C6orf132: variants seen among roughly 807,000 people sequenced by gnomAD.
C6orf132 encodes the protein uncharacterized protein C6orf132.
Under a neutral mutation model 65.3 loss-of-function variants are expected in C6orf132, and 43 were observed. The ratio of observed to expected loss-of-function variants is 0.66; its 90% CI spans 0.52 to 0.85. The LOEUF (loss-of-function observed/expected upper bound fraction) is 0.85, where lower values mean the gene tolerates loss of function less well. C6orf132 is among the 40% of genes least tolerant of loss of function. The pLI is 0.00. For missense variants in C6orf132, 1,488 were observed against 1,548.8 expected (o/e 0.96, Z 0.66); for synonymous variants, 631 against 654.1 (o/e 0.96, Z 0.54).
rs1414529139 is a variant in C6orf132 at position 42,102,627 on chromosome 6, C to T, written c.*1134G>A. On this transcript the variant is annotated 3_prime_UTR_variant, in exon 5 of 5. Transcript: ENST00000341865. ...TTTCACCATTTGGGCAGGCTGGTCTCGAACTTCTGACCTCAAGTGATCCAC... is the reference window on the plus strand; with the variant it reads ...TTTCACCATTTGGGCAGGCTGGTCTTGAACTTCTGACCTCAAGTGATCCAC... 4 of 151,478 alleles carry T rather than the reference C, an allele frequency of 2.6e-5. No individual in the cohort carries two copies. The highest frequency in any genetic ancestry group is 5.8e-5 in the Non-Finnish European group (4 of 68,518). The allele number at this position is 151,478 out of a possible 1,614,324, so 9.4% of individuals were successfully genotyped here. A position where few individuals can be genotyped will look rare whatever the true frequency, so the allele number is the denominator to read the frequency against.
At chr6:42,137,072 T>A (rs1766955847) in intron 1 of C6orf132, among the ~76,000 whole-genome samples, 3 of 152,252 alleles carry the variant, frequency 2.0e-5, no homozygotes, top group African/African-American at 7.2e-5. Context: ...CTGGGTGCAC[T>A]TTGATGTTTG....
intron 2 of C6orf132, among the ~76,000 whole-genome samples, chr6:42,114,395 C>T (rs979849519): frequency 1.3e-5 from 2 of 150,952 alleles, no homozygotes; most frequent in African/African-American, 4.9e-5. Flanking sequence ...TCTCCAAGCC[C>T]CTGTCTGGCC....
intron 1 of C6orf132, among the ~76,000 whole-genome samples, chr6:42,140,496 G>A (rs1446571412): frequency 6.6e-6 from 1 of 152,234 alleles, no homozygotes; most frequent in African/African-American, 2.4e-5. Context: ...CCCGCTAAGA[G>A]TGTGATCTCT....
At chr6:42,107,913 G>C (rs1466645907) in intron 3 of C6orf132, among the ~76,000 whole-genome samples, 2 of 152,120 alleles carry the variant, frequency 1.3e-5, no homozygotes, top group Non-Finnish European at 2.9e-5. Flanking sequence ...GGACAAGAGG[G>C]CCAGGGCACT....
intron 1 of C6orf132, among the ~76,000 whole-genome samples, chr6:42,136,439 G>C (rs1463819492): frequency 2.6e-5 from 4 of 152,172 alleles, no homozygotes; most frequent in African/African-American, 9.7e-5. Context: ...GATTCCTGGG[G>C]CTTAGGAGGA....
Position 42,103,687 on chromosome 6 carries a change from A to ACC in C6orf132, c.*72_*73dup. On this transcript the variant is annotated 3_prime_UTR_variant, in exon 5 of 5. Transcript: ENST00000341865. The stretch of plus-strand genomic sequence containing the variant: ...GCCCAACACCTGCTGTGTACCTCCC[A>ACC]CCCCCCACAAGAAACAAGTGCCCAG... The ACC allele has an allele frequency of 1.0e-6, 1 of 995,280 alleles. No individual in the cohort carries two copies. The highest frequency in any genetic ancestry group is 1.3e-6 in the Non-Finnish European group (1 of 751,358). 61.7% of individuals were successfully genotyped at this position (995,280 alleles called of 1,614,324 possible).
Position 42,106,728 on chromosome 6 carries a change from G to A in C6orf132, c.1184C>T (p.Pro395Leu). ...ERAGTPPPAP[P>L]LPPPAPPLPP... Reference sequence around the variant, plus strand: ...GAGGGGGGGTGCAGGAGGGGGCAGGGGAGGGGCTGGAGGCGGAGTCCCAGC... The same window carrying A: ...GAGGGGGGGTGCAGGAGGGGGCAGGAGAGGGGCTGGAGGCGGAGTCCCAGC... The change falls in exon 4 of 5, where the codon CCC becomes CTC. Residue 395 changes from proline to leucine, a missense_variant. Pro to Leu is a moderately conservative substitution (Grantham distance 98). Transcript: ENST00000341865. 2.0e-6 allele frequency: 3 copies of A among 1,505,546 alleles called. No individual in the cohort carries two copies. The highest frequency in any genetic ancestry group is 2.7e-6 in the Non-Finnish European group (3 of 1,123,608). 93.3% of individuals were successfully genotyped at this position (1,505,546 alleles called of 1,614,324 possible). A position where few individuals can be genotyped will look rare whatever the true frequency, so the allele number is the denominator to read the frequency against.
chr6:42,116,052 C>T (rs941188721), intron 2 of C6orf132, among the ~76,000 whole-genome samples: 5 of 151,068 alleles, frequency 3.3e-5, no homozygotes, highest in Non-Finnish European at 5.9e-5. Context: ...GACTCAGCCT[C>T]CCAAGTAGCT....
chr6:42,106,676 T>C lies in C6orf132; in HGVS notation c.1236A>G (p.Pro412=), dbSNP rs2127473540. The change falls in exon 4 of 5, where the codon CCA becomes CCG. Residue 412 remains proline (P), a synonymous_variant. Transcript: ENST00000341865. ...GAGCACAGGGCAAAGGAGGTGCAGCTGGGGGAAGTGGGGGTGCTGGGGGAG... is the reference window on the plus strand; with the variant it reads ...GAGCACAGGGCAAAGGAGGTGCAGCCGGGGGAAGTGGGGGTGCTGGGGGAG... The part of the protein sequence containing the change: ...PLPPPAPPLP[P]AAPPLPCAQK... The C allele has an allele frequency of 1.0e-6, 1 of 969,202 alleles. No homozygotes were observed. The highest frequency in any genetic ancestry group is 1.2e-6 in the Non-Finnish European group (1 of 815,364). The allele number at this position is 969,202 out of a possible 1,614,324, so 60.0% of individuals were successfully genotyped here.
In C6orf132 at chr6:42,104,564, G is replaced by A. The variant is rs1362275953; in HGVS notation, c.3348C>T (p.His1116=). The A allele has an allele frequency of 1.5e-6, 2 of 1,298,744 alleles. No individual in the cohort carries two copies. The highest frequency in any genetic ancestry group is 2.3e-5 in the South Asian group (1 of 42,652). 80.5% of individuals were successfully genotyped at this position (1,298,744 alleles called of 1,614,324 possible). A position where few individuals can be genotyped will look rare whatever the true frequency, so the allele number is the denominator to read the frequency against. ...CGCCCTCCAGGGACAGCCTCGGCGC[G>A]TGCAGGCCTCCGGGGGGCGCGCGAC... ...SAGRAPPGGL[H]APRLSLEGAA... is the part of the protein sequence containing the mutation. Residue 1116 remains histidine, a synonymous_variant, in exon 4 of 5, where the codon CAC becomes CAT. Transcript: ENST00000341865. The surrounding 1 kb of genome is among the most constrained non-coding windows in gnomAD (Gnocchi z 4.1).
In C6orf132 at chr6:42,109,417, C is replaced by T. The variant is rs367558932; in HGVS notation, c.328+799G>A. 2.5e-3 allele frequency among the ~76,000 whole-genome samples: 380 copies of T among 150,718 alleles called. 4 individuals carry two copies. Among genetic ancestry groups the T allele is most frequent in the African/African-American group, 8.3e-3 (335 of 40,460 alleles). The stretch of plus-strand genomic sequence containing the variant: ...ACTGCCCTCCAGCCTGGCAACAGAG[C>T]GAGACTCCATCTCAAATAAATAAAT... On this transcript the variant is annotated intron_variant, in intron 3 of 4. Coordinates refer to ENST00000341865, the MANE Select transcript of C6orf132 (RefSeq NM_001164446.3).
intron 2 of C6orf132, among the ~76,000 whole-genome samples, chr6:42,118,540 C>A (rs1766621284): frequency 6.6e-6 from 1 of 152,146 alleles, no homozygotes; most frequent in Non-Finnish European, 1.5e-5. Context: ...AGTGTGGCAG[C>A]CCACATCGAA....
chr6:42,106,033 G>T lies in C6orf132; in HGVS notation c.1879C>A (p.Pro627Thr). The T allele has an allele frequency of 6.5e-7, 1 of 1,537,248 alleles. No homozygotes were observed. The highest frequency in any genetic ancestry group is 8.7e-7 in the Non-Finnish European group (1 of 1,146,886). The part of the protein sequence containing the change: ...NLPPQSTTLL[P>T]TTSLQPKAML... Reference sequence around the variant, plus strand: ...GCCTTGGGCTGGAGTGATGTAGTTGGCAGCAGGGTGGTGGATTGAGGTGGC... The same window carrying T: ...GCCTTGGGCTGGAGTGATGTAGTTGTCAGCAGGGTGGTGGATTGAGGTGGC... The change falls in exon 4 of 5, where the codon CCA becomes ACA. Residue 627 changes from proline to threonine, a missense_variant. Transcript: ENST00000341865.
intron 2 of C6orf132, among the ~76,000 whole-genome samples, chr6:42,110,863 A>G (rs11751840): frequency 0.1 from 15,895 of 152,310 alleles, 927 homozygotes; most frequent in Middle Eastern, 0.13. Flanking sequence ...AAATGACCAC[A>G]GAAGCAACAC....
chr6:42,142,588 A>G lies in C6orf132; in HGVS notation c.-144T>C. 22 of 311,702 alleles carry G rather than the reference A, an allele frequency of 7.1e-5. No individual in the cohort carries two copies. The highest frequency in any genetic ancestry group is 1.2e-4 in the East Asian group (1 of 8,620). 19.3% of individuals were successfully genotyped at this position (311,702 alleles called of 1,614,324 possible). ...CCTCCCCGCCCGCGCACCGGGCAAC[A>G]GGTGCTGCGGGCGCCGCCGCTTGCC... On this transcript the variant is annotated 5_prime_UTR_variant, in exon 1 of 5. Coordinates refer to ENST00000341865, the MANE Select transcript of C6orf132 (RefSeq NM_001164446.3).
In C6orf132 at chr6:42,104,945, C is replaced by T. The variant is rs372924845; in HGVS notation, c.2967G>A (p.Pro989=). 9.5e-6 allele frequency: 14 copies of T among 1,477,922 alleles called. No individual in the cohort carries two copies. Among genetic ancestry groups the T allele is most frequent in the African/African-American group, 8.5e-5 (6 of 70,864 alleles). 91.6% of individuals were successfully genotyped at this position (1,477,922 alleles called of 1,614,324 possible). ...GCTCAGGGTCATTGCTGAACTCTGG[C>T]GGCGGTGGGATGACCTCGAAGTTGA... is the stretch of plus-strand genomic sequence containing the variant. The part of the protein sequence containing the change: ...EEFNFEVIPP[P]PEFSNDPEPP... Residue 989 remains proline (P), a synonymous_variant, in exon 4 of 5, where the codon CCG becomes CCA. Transcript: ENST00000341865. This position sits in a 1 kb window ranked among gnomAD's most constrained non-coding sequence, Gnocchi z 4.1.
At chr6:42,112,816 A>G (rs530384449) in intron 2 of C6orf132, among the ~76,000 whole-genome samples, 2 of 152,280 alleles carry the variant, frequency 1.3e-5, no homozygotes, top group East Asian at 3.9e-4. Flanking sequence ...CTCTGGACTT[A>G]ATATACAAGA....
chr6:42,107,864 C>T (rs1214938605), intron 3 of C6orf132, among the ~76,000 whole-genome samples: 2 of 152,160 alleles, frequency 1.3e-5, no homozygotes, highest in African/African-American at 4.8e-5. Flanking sequence ...ACCCTCTAAC[C>T]TGTGCCGGGA....
At chr6:42,112,908 T>C (rs1181008620) in intron 2 of C6orf132, among the ~76,000 whole-genome samples, 1 of 152,196 alleles carries the variant, frequency 6.6e-6, no homozygotes, top group Non-Finnish European at 1.5e-5. Flanking sequence ...TCTGGTCACT[T>C]GGGATCAGCA....
Sources: allele counts gnomAD v4.1 joint callset (sites outside exome capture counted in the v4.1 genomes callset), GRCh38; gene constraint gnomAD v4.1.1; non-coding constraint Gnocchi (gnomAD v3.1); transcripts MANE v1.5; gene names NCBI Gene and HGNC (gene_info 2026-07-23, HGNC 2026-07-21).